The following ADAMTS9 variants were observed in gnomAD, a reference collection of about 807,000 sequenced individuals.
The protein encoded by ADAMTS9 is A disintegrin and metalloproteinase with thrombospondin motifs 9.
ADAMTS9 carries 107 observed loss-of-function variants against 257.1 expected under a neutral mutation model. The ratio of observed to expected loss-of-function variants is 0.42; its 90% CI spans 0.36 to 0.49. The LOEUF is 0.49. Ranked by LOEUF, ADAMTS9 falls within the 20% of genes least tolerant of loss-of-function variation. ADAMTS9 has a pLI of 0.03. For synonymous variants in ADAMTS9, 982 were observed against 880.9 expected (o/e 1.11, Z -2.03); for missense variants, 2,353 against 2,469.1 (o/e 0.95, Z 1.00).
At chr3:64,621,794 A>T (rs1468411372) in intron 18 of ADAMTS9, among the ~76,000 whole-genome samples, 1 of 93,296 alleles carries the variant, frequency 1.1e-5, no homozygotes, top group African/African-American at 4.9e-5. Context: ...ATAAAAAAAT[A>T]AAAAGAAAAG....
chr3:64,542,950 C>T (rs2083146591), intron 32 of ADAMTS9, among the ~76,000 whole-genome samples: 1 of 152,092 alleles, frequency 6.6e-6, no homozygotes, highest in Non-Finnish European at 1.5e-5. Flanking sequence ...ACCAATCCCA[C>T]AGAAATACAA....
intron 21 of ADAMTS9, among the ~76,000 whole-genome samples, chr3:64,614,112 T>C (rs2084716886): frequency 6.6e-6 from 1 of 152,226 alleles, no homozygotes; most frequent in African/African-American, 2.4e-5. Context: ...TATTTTATTA[T>C]TTTCTTTCCA....
At chr3:64,557,705 A>G (rs2083358588) in intron 30 of ADAMTS9, among the ~76,000 whole-genome samples, 1 of 152,224 alleles carries the variant, frequency 6.6e-6, no homozygotes, top group South Asian at 2.1e-4. Flanking sequence ...GTGACCCTTG[A>G]GCAAAGTCTG....
At chr3:64,608,173 GA>G (rs61494743) in intron 22 of ADAMTS9, among the ~76,000 whole-genome samples, 36,141 of 88,722 alleles carry the variant, frequency 0.41, 5,857 homozygotes, top group East Asian at 0.59. Context: ...CACTAATAAA[GA>G]AAAAAAAAAA....
Position 64,606,986 on chromosome 3 carries a change from C to A in ADAMTS9, c.3448G>T (p.Ala1150Ser), listed in dbSNP as rs762701500. ...MSVVDDNDCN[A>S]ATRPTDTQDC... ...TGGGTATCAGTTGGTCTAGTTGCTG[C>A]ATTACAGTCATTGTCATCTACCACT... is the stretch of plus-strand genomic sequence containing the variant. The change falls in exon 23 of 40, where the codon GCA (alanine) becomes TCA (serine). Residue 1150 changes from alanine (A) to serine (S), a missense_variant. Transcript: ENST00000498707. 6.2e-7 allele frequency: 1 copy of A among 1,613,864 alleles called. No homozygotes were observed. Among genetic ancestry groups the A allele is most frequent in the Non-Finnish European group, 8.5e-7 (1 of 1,179,804 alleles).
chr3:64,683,926 G>A (rs1701823998), intron 2 of ADAMTS9, among the ~76,000 whole-genome samples: 1 of 152,002 alleles, frequency 6.6e-6, no homozygotes, highest in Non-Finnish European at 1.5e-5. Context: ...GGGGAGAGAT[G>A]ACATCAACAT....
chr3:64,516,011 A>T lies in ADAMTS9; in HGVS notation c.*1116T>A, dbSNP rs2082770838. 1 of 152,178 alleles carries T rather than the reference A, an allele frequency of 6.6e-6. No homozygotes were observed. Among genetic ancestry groups the T allele is most frequent in the Non-Finnish European group, 1.5e-5 (1 of 68,032 alleles). The allele number at this position is 152,178 out of a possible 1,614,324, so 9.4% of individuals were successfully genotyped here. On this transcript the variant is annotated 3_prime_UTR_variant, in exon 40 of 40. Coordinates refer to ENST00000498707, the MANE Select transcript of ADAMTS9 (RefSeq NM_182920.2). ...CTCCACAGTTCATTTCTTCACACAA[A>T]CGTCCATTACTGCAGCGGGCATGAA... is the stretch of plus-strand genomic sequence containing the variant.
chr3:64,686,913 G>T lies in ADAMTS9; in HGVS notation c.171C>A (p.Asn57Lys). The T allele has an allele frequency of 1.2e-6, 2 of 1,614,188 alleles. No homozygotes were observed. Among genetic ancestry groups the T allele is most frequent in the South Asian group, 1.1e-5 (1 of 91,084 alleles). ...EYEIVSPIRV[N>K]ALGEPFPTNV... Reference sequence around the variant, plus strand: ...TCGTGGGAAAGGGTTCTCCGAGAGCGTTCACTCGGATGGGAGACACGATTT... The same window carrying T: ...TCGTGGGAAAGGGTTCTCCGAGAGCTTTCACTCGGATGGGAGACACGATTT... Residue 57 changes from asparagine (N) to lysine (K), a missense_variant, in exon 2 of 40, where the codon AAC becomes AAA. By Grantham distance (94) the Asn-to-Lys change is moderately conservative. This residue lies in a region of ADAMTS9 where 591 missense variants were observed against 569.6 expected (regional missense o/e 1.04). Transcript: ENST00000498707. The surrounding 1 kb of genome is among the most constrained non-coding windows in gnomAD (Gnocchi z 4.6).
Position 64,560,021 on chromosome 3 carries a change from A to T in ADAMTS9, c.4698+1557T>A, listed in dbSNP as rs577368243. On this transcript the variant is annotated intron_variant, in intron 30 of 39. Transcript: ENST00000498707. Reference sequence around the variant, plus strand: ...TGAGGGAGTCTCCTCTTCCTTCTATATCTGACGTTGCCAATCCCCAAACCA... The same window carrying T: ...TGAGGGAGTCTCCTCTTCCTTCTATTTCTGACGTTGCCAATCCCCAAACCA... 7.9e-5 allele frequency among the ~76,000 whole-genome samples: 12 copies of T among 152,316 alleles called. No individual in the cohort carries two copies. The South Asian group carries it at 2.5e-3, about 32-fold the overall frequency.
intron 29 of ADAMTS9, among the ~76,000 whole-genome samples, chr3:64,563,809 C>T (rs556344813): frequency 1.3e-5 from 2 of 152,342 alleles, no homozygotes; most frequent in East Asian, 1.9e-4. Flanking sequence ...AAGGTACAAG[C>T]CTGCCTTTCT....
At chr3:64,551,190 ACTT>A (rs2083266896) in intron 30 of ADAMTS9, 128 bp from the exon 31 acceptor site, 4 of 1,116,160 alleles carry the variant, frequency 3.6e-6, no homozygotes, top group Non-Finnish European at 5.0e-6. Flanking sequence ...TTGCCAGAGA[ACTT>A]CTCGTTTTTT....
chr3:64,594,929 G>A (rs2084336225), intron 27 of ADAMTS9, among the ~76,000 whole-genome samples: 1 of 149,080 alleles, frequency 6.7e-6, no homozygotes, highest in African/African-American at 2.5e-5. Context: ...TGGGACTACA[G>A]GCGTGTGCCA....
intron 12 of ADAMTS9, among the ~76,000 whole-genome samples, chr3:64,639,915 A>G (rs1218889695): frequency 6.6e-6 from 1 of 152,180 alleles, no homozygotes; most frequent in Non-Finnish European, 1.5e-5. Flanking sequence ...CAATCTGAAA[A>G]GTCTGAAATG....
chr3:64,574,355 AAGGAGACTG>A (rs1251602427), intron 28 of ADAMTS9, among the ~76,000 whole-genome samples: 1 of 152,024 alleles, frequency 6.6e-6, no homozygotes, highest in Non-Finnish European at 1.5e-5. Context: ...TTGTATCGAT[AAGGAGACTG>A]AGGGTCAAAG....
chr3:64,634,007 G>T, intron 12 of ADAMTS9, 128 bp from the exon 13 acceptor site: 1 of 828,458 alleles, frequency 1.2e-6, no homozygotes, highest in East Asian at 2.7e-5. Flanking sequence ...ACAGAGGAAT[G>T]GGCAAGAGCT....
At chr3:64,615,622 T>C in intron 20 of ADAMTS9, 137 bp from the exon 21 acceptor site, 3 of 936,566 alleles carry the variant, frequency 3.2e-6, no homozygotes, top group Non-Finnish European at 4.7e-6. Flanking sequence ...TTGGTGGAGA[T>C]CTTTTCATGT....
intron 25 of ADAMTS9, among the ~76,000 whole-genome samples, 171 bp downstream of exon 25, chr3:64,603,751 C>A (rs2084506669): frequency 1.3e-5 from 2 of 152,194 alleles, no homozygotes; most frequent in Admixed American, 6.5e-5. Flanking sequence ...AGAGTCCTTG[C>A]ACACTTGGCC....
chr3:64,525,325 T>C (rs975530381), intron 38 of ADAMTS9, among the ~76,000 whole-genome samples: 4 of 152,228 alleles, frequency 2.6e-5, no homozygotes, highest in African/African-American at 9.6e-5. Flanking sequence ...TGGCCTCATA[T>C]TCCATTTTGT....
chr3:64,551,159 T>C (rs1297272802), intron 30 of ADAMTS9, 97 bp from the exon 31 acceptor site: 15 of 1,382,018 alleles, frequency 1.1e-5, no homozygotes, highest in South Asian at 5.5e-5. Context: ...TTTAAGATCA[T>C]AAGAGCCCTG....
Sources: allele counts gnomAD v4.1 joint callset (sites outside exome capture counted in the v4.1 genomes callset), GRCh38; gene constraint gnomAD v4.1.1; regional missense constraint gnomAD v4.1.1; non-coding constraint Gnocchi (gnomAD v3.1); transcripts MANE v1.5; gene names NCBI Gene and HGNC (gene_info 2026-07-23, HGNC 2026-07-21).